Variants in NCOA3 observed in about 807,000 individuals in gnomAD.
The protein encoded by NCOA3 is nuclear receptor coactivator 3.
Under a neutral mutation model 158.8 loss-of-function variants are expected in NCOA3, and 51 were observed. That is an observed-to-expected ratio of 0.32 (90% confidence interval 0.26 to 0.41). The LOEUF is 0.41. Ranked by LOEUF, NCOA3 falls within the 10% of genes least tolerant of loss-of-function variation. The pLI is 1.00. For missense variants in NCOA3, 1,510 were observed against 1,746.6 expected (o/e 0.86, Z 2.41); for synonymous variants, 537 against 592.4 (o/e 0.91, Z 1.36).
intron 2 of NCOA3, among the ~76,000 whole-genome samples, chr20:47,583,987 G>A (rs1199180478): frequency 6.6e-6 from 1 of 152,036 alleles, no homozygotes; most frequent in African/African-American, 2.4e-5. Flanking sequence ...GAAAAAAGGA[G>A]AAAATTTTAA....
intron 1 of NCOA3, among the ~76,000 whole-genome samples, chr20:47,572,382 C>G (rs1393316811): frequency 6.6e-6 from 1 of 151,930 alleles, no homozygotes; most frequent in Non-Finnish European, 1.5e-5. Context: ...CCAGTCTGGG[C>G]CATATGAACG....
chr20:47,620,947 G>A (rs967970027), intron 2 of NCOA3, among the ~76,000 whole-genome samples: 1 of 152,108 alleles, frequency 6.6e-6, no homozygotes, highest in Non-Finnish European at 1.5e-5. Flanking sequence ...ACATTGACAC[G>A]TTTGAAAATA....
At chr20:47,568,956 G>GTTT (rs537955083) in intron 1 of NCOA3, among the ~76,000 whole-genome samples, 2 of 143,942 alleles carry the variant, frequency 1.4e-5, no homozygotes, top group Admixed American at 7.0e-5. Flanking sequence ...AATTAAAACA[G>GTTT]TTTTTTTTTT....
At position 47,502,038 on chromosome 20, in the gene NCOA3, G is replaced by A. The variant is rs1490231526; in HGVS notation, c.-99+19G>A. 1.8e-5 allele frequency: 7 copies of A among 399,246 alleles called. No homozygotes were observed. Among genetic ancestry groups the A allele is most frequent in the Non-Finnish European group, 3.1e-5 (7 of 226,504 alleles). The allele number at this position is 399,246 out of a possible 1,614,324, so 24.7% of individuals were successfully genotyped here. A position where few individuals can be genotyped will look rare whatever the true frequency, so the allele number is the denominator to read the frequency against. ...GCGGGAGGTGAGTGGAGATAAAGGAGGAGGCGGTGGCGGGCGAGGGGGTGG... is the reference window on the plus strand; with the variant it reads ...GCGGGAGGTGAGTGGAGATAAAGGAAGAGGCGGTGGCGGGCGAGGGGGTGG... On this transcript the variant is annotated intron_variant, in intron 1 of 22. Coordinates refer to ENST00000371998, the MANE Select transcript of NCOA3 (RefSeq NM_181659.3).
chr20:47,622,148 G>T lies in NCOA3; in HGVS notation c.-19-81G>T. 10 of 670,824 alleles carry T rather than the reference G, an allele frequency of 1.5e-5. No individual in the cohort carries two copies. In the South Asian group the frequency reaches 1.9e-4, roughly 13 times the overall value. 41.6% of individuals were successfully genotyped at this position (670,824 alleles called of 1,614,324 possible). ...AAGTAGTTCTGAATTAAAAGTTGCA[G>T]TCATTCAGTCATATAACACCTTCAT... is the stretch of plus-strand genomic sequence containing the variant. On this transcript the variant is annotated intron_variant, in intron 2 of 22. Coordinates refer to ENST00000371998, the MANE Select transcript of NCOA3 (RefSeq NM_181659.3).
chr20:47,633,923 G>A, intron 9 of NCOA3, 125 bp from the exon 10 acceptor site: 1 of 1,245,996 alleles, frequency 8.0e-7, no homozygotes, highest in Non-Finnish European at 1.1e-6. Context: ...GATGATTTTG[G>A]TGCAGATCCA....
chr20:47,509,735 C>A (rs895227478), intron 1 of NCOA3, among the ~76,000 whole-genome samples: 6 of 152,048 alleles, frequency 3.9e-5, no homozygotes, highest in African/African-American at 7.2e-5. Flanking sequence ...TAGCAAGACC[C>A]CCCCATCTCT....
intron 1 of NCOA3, among the ~76,000 whole-genome samples, chr20:47,508,212 T>C (rs549578894): frequency 6.6e-6 from 1 of 152,328 alleles, no homozygotes; most frequent in Admixed American, 6.5e-5. Flanking sequence ...TTTTATTAGG[T>C]TGGTGTTTGC....
chr20:47,631,690 C>G (rs763704616), intron 8 of NCOA3, among the ~76,000 whole-genome samples: 3 of 152,196 alleles, frequency 2.0e-5, no homozygotes, highest in Admixed American at 6.5e-5. Flanking sequence ...TCCCTGCTGG[C>G]TTACTTTAAG....
Position 47,656,846 on chromosome 20 carries a change from A to G in NCOA3, c.*3429A>G, listed in dbSNP as rs138887927. ...TGCTTTGCTGACCATTTTGGATGTC[A>G]TTGTAAATAAAGGTTTCTATTTAAA... is the stretch of plus-strand genomic sequence containing the variant. On this transcript the variant is annotated 3_prime_UTR_variant, in exon 23 of 23. Transcript: ENST00000371998. The G allele has an allele frequency of 2.7e-5, 4 of 146,612 alleles. No homozygotes were observed. Among genetic ancestry groups the G allele is most frequent in the African/African-American group, 1.0e-4 (4 of 39,020 alleles). 9.1% of individuals were successfully genotyped at this position (146,612 alleles called of 1,614,324 possible). A position where few individuals can be genotyped will look rare whatever the true frequency, so the allele number is the denominator to read the frequency against.
At chr20:47,602,556 A>G (rs2085880345) in intron 2 of NCOA3, among the ~76,000 whole-genome samples, 1 of 152,242 alleles carries the variant, frequency 6.6e-6, no homozygotes, top group Non-Finnish European at 1.5e-5. Flanking sequence ...ATTTATATGC[A>G]GATCACATTG....
chr20:47,588,875 A>G (rs191920471), intron 2 of NCOA3, among the ~76,000 whole-genome samples: 1 of 152,280 alleles, frequency 6.6e-6, no homozygotes, highest in Non-Finnish European at 1.5e-5. Flanking sequence ...TAAAATTTAC[A>G]GAATATAAAA....
At chr20:47,560,646 A>T (rs1233582839) in intron 1 of NCOA3, among the ~76,000 whole-genome samples, 1 of 152,168 alleles carries the variant, frequency 6.6e-6, no homozygotes, top group Non-Finnish European at 1.5e-5. Context: ...GTAATAACAG[A>T]TGATGTTCAG....
At chr20:47,605,598 C>T (rs1364467267) in intron 2 of NCOA3, among the ~76,000 whole-genome samples, 1 of 151,626 alleles carries the variant, frequency 6.6e-6, no homozygotes, top group African/African-American at 2.4e-5. Context: ...TTCGTTTTAC[C>T]TGTGAGCCTT....
At chr20:47,633,458 C>A in intron 8 of NCOA3, 38 bp from the exon 9 acceptor site, 1 of 1,570,392 alleles carries the variant, frequency 6.4e-7, no homozygotes, top group Non-Finnish European at 8.7e-7. Flanking sequence ...TACTTGTGGG[C>A]TGGATATAAG....
intron 21 of NCOA3, 100 bp from the exon 22 acceptor site, chr20:47,652,829 TAA>T: frequency 7.4e-7 from 1 of 1,356,872 alleles, no homozygotes; most frequent in Admixed American, 1.9e-5. Flanking sequence ...ATTCCCAGCT[TAA>T]GTATAGCAAT....
intron 1 of NCOA3, among the ~76,000 whole-genome samples, chr20:47,520,779 T>C (rs1406498326): frequency 6.6e-6 from 1 of 152,168 alleles, no homozygotes; most frequent in Admixed American, 6.5e-5. Flanking sequence ...TCCTTTGCGC[T>C]CACTGAACTT....
intron 1 of NCOA3, among the ~76,000 whole-genome samples, chr20:47,543,538 C>T (rs1337997678): frequency 1.3e-5 from 2 of 149,760 alleles, no homozygotes; most frequent in African/African-American, 4.9e-5. Context: ...TGGAGAGAGT[C>T]TTGCTCTGTT....
chr20:47,571,550 TCAAG>T (rs1233798870), intron 1 of NCOA3, among the ~76,000 whole-genome samples: 2 of 151,940 alleles, frequency 1.3e-5, no homozygotes, highest in African/African-American at 4.8e-5. Context: ...ACTCCTGGCC[TCAAG>T]CAATCCACCT....
Sources: allele counts gnomAD v4.1 joint callset (sites outside exome capture counted in the v4.1 genomes callset), GRCh38; gene constraint gnomAD v4.1.1; transcripts MANE v1.5; gene names NCBI Gene and HGNC (gene_info 2026-07-23, HGNC 2026-07-21).